The following ASIC2 variants were observed in gnomAD, a reference collection of about 807,000 sequenced individuals.
ASIC2 encodes the protein acid sensing ion channel subunit 2.
A neutral mutation model predicts 57.3 loss-of-function variants in ASIC2; 25 were observed. The observed-to-expected ratio is 0.44, with a 90% CI of 0.32 to 0.61. The LOEUF (loss-of-function observed/expected upper bound fraction) is 0.61, where lower values mean the gene tolerates loss of function less well. ASIC2 is among the 20% of genes least tolerant of loss of function. The pLI is 0.06. For missense variants in ASIC2, 641 were observed against 738.1 expected (o/e 0.87, Z 1.52); for synonymous variants, 319 against 307.5 (o/e 1.04, Z -0.39).
chr17:33,717,457 G>A (rs1030785476), intron 1 of ASIC2, among the ~76,000 whole-genome samples: 53 of 152,216 alleles, frequency 3.5e-4, no homozygotes, highest in African/African-American at 1.3e-3. Flanking sequence ...TGCCTGTCTG[G>A]GCCTCCTCAC....
intron 1 of ASIC2, among the ~76,000 whole-genome samples, chr17:34,085,586 T>C (rs899754982): frequency 3.9e-5 from 6 of 152,220 alleles, no homozygotes; most frequent in African/African-American, 1.4e-4. Flanking sequence ...TCTTTTTCTA[T>C]TGATTGGAAT....
chr17:33,090,537 A>C (rs770666499), intron 2 of ASIC2, among the ~76,000 whole-genome samples: 3 of 152,208 alleles, frequency 2.0e-5, no homozygotes, highest in Non-Finnish European at 4.4e-5. Flanking sequence ...CTCAAAGAAA[A>C]AAATGGAGAG....
At chr17:33,556,296 T>A (rs1457688821) in intron 1 of ASIC2, among the ~76,000 whole-genome samples, 1 of 152,154 alleles carries the variant, frequency 6.6e-6, no homozygotes, top group Non-Finnish European at 1.5e-5. Flanking sequence ...TAACTGGAGT[T>A]CCTAGAGGGG....
chr17:33,935,833 T>C (rs1916046571), intron 1 of ASIC2: 1 of 152,246 alleles, frequency 6.6e-6, no homozygotes, highest in African/African-American at 2.4e-5. Context: ...CCACAGGTGC[T>C]AGAGAGCCAG....
At chr17:33,844,530 T>C (rs867157278) in intron 1 of ASIC2, among the ~76,000 whole-genome samples, 9 of 152,308 alleles carry the variant, frequency 5.9e-5, no homozygotes, top group Admixed American at 3.3e-4. Flanking sequence ...TGCCCCAACA[T>C]TGCTGTTGTG....
chr17:33,876,605 A>C (rs1914552000), intron 1 of ASIC2, among the ~76,000 whole-genome samples: 1 of 152,218 alleles, frequency 6.6e-6, no homozygotes. Context: ...ATAAATAAGG[A>C]AAATAAATCA....
chr17:34,043,908 C>T (rs1908230213), intron 1 of ASIC2, among the ~76,000 whole-genome samples: 1 of 152,118 alleles, frequency 6.6e-6, no homozygotes, highest in South Asian at 2.1e-4. Context: ...CTCCCTGGCC[C>T]AGTCATGAAA....
chr17:33,560,280 A>G (rs1916033081), intron 1 of ASIC2, among the ~76,000 whole-genome samples: 1 of 152,204 alleles, frequency 6.6e-6, no homozygotes, highest in Admixed American at 6.5e-5. Context: ...CAAGCATACC[A>G]CTTGTGTGAT....
At chr17:34,048,187 T>C (rs1038604124) in intron 1 of ASIC2, among the ~76,000 whole-genome samples, 7 of 152,224 alleles carry the variant, frequency 4.6e-5, no homozygotes, top group African/African-American at 1.7e-4. Context: ...GTTCTCTCAC[T>C]TCTAGGATAC....
intron 1 of ASIC2, among the ~76,000 whole-genome samples, chr17:34,032,458 T>C (rs1490006048): frequency 2.6e-5 from 4 of 152,258 alleles, no homozygotes; most frequent in East Asian, 1.9e-4. Context: ...CATCAACTAA[T>C]GAGCAAAATA....
chr17:33,728,763 T>G (rs992044634), intron 1 of ASIC2, among the ~76,000 whole-genome samples: 15 of 151,896 alleles, frequency 9.9e-5, no homozygotes, highest in Admixed American at 7.9e-4. Context: ...GTAGATTGAG[T>G]TGGGAAGGCA....
intron 1 of ASIC2, among the ~76,000 whole-genome samples, chr17:33,509,113 A>C (rs2141947565): frequency 6.6e-6 from 1 of 152,324 alleles, no homozygotes; most frequent in African/African-American, 2.4e-5. Context: ...TTAGCACAGC[A>C]TCTGGCACAG....
At chr17:33,499,163 C>T (rs1297744190) in intron 1 of ASIC2, among the ~76,000 whole-genome samples, 1 of 152,222 alleles carries the variant, frequency 6.6e-6, no homozygotes, top group African/African-American at 2.4e-5. Context: ...GGGGTGTCTA[C>T]ATCTCCTCTA....
intron 1 of ASIC2, among the ~76,000 whole-genome samples, chr17:33,589,552 C>T (rs144195898): frequency 2.7e-4 from 41 of 152,220 alleles, no homozygotes; most frequent in African/African-American, 9.4e-4. Flanking sequence ...CTGGAAACCT[C>T]GATTCTACTT....
At chr17:33,303,946 A>G (rs1906066265) in intron 1 of ASIC2, among the ~76,000 whole-genome samples, 1 of 152,216 alleles carries the variant, frequency 6.6e-6, no homozygotes, top group Admixed American at 6.5e-5. Flanking sequence ...AACAGTTCAT[A>G]CCCTTTGACC....
At chr17:33,969,212 G>C (rs1905155187) in intron 1 of ASIC2, among the ~76,000 whole-genome samples, 1 of 152,154 alleles carries the variant, frequency 6.6e-6, no homozygotes, top group Non-Finnish European at 1.5e-5. Context: ...CTCGCTTCTT[G>C]GGGGACTTTG....
At chr17:34,114,274 C>T (rs1298990990) in intron 1 of ASIC2, among the ~76,000 whole-genome samples, 8 of 152,194 alleles carry the variant, frequency 5.3e-5, no homozygotes, top group Non-Finnish European at 8.8e-5. Context: ...CACTTTAAGC[C>T]ATCCCTTAGC....
intron 1 of ASIC2, among the ~76,000 whole-genome samples, chr17:34,060,588 T>TA (rs1038357663): frequency 4.0e-5 from 6 of 151,178 alleles, no homozygotes; most frequent in South Asian, 2.1e-4. Flanking sequence ...TCCAAGGAAA[T>TA]AAAAAAAATG....
At chr17:34,111,906 G>T (rs1296202216) in intron 1 of ASIC2, among the ~76,000 whole-genome samples, 1 of 151,738 alleles carries the variant, frequency 6.6e-6, no homozygotes, top group Non-Finnish European at 1.5e-5. Flanking sequence ...AGTGATTTTG[G>T]GAAAAGCATA....
Sources: allele counts gnomAD v4.1 joint callset (sites outside exome capture counted in the v4.1 genomes callset), GRCh38; gene constraint gnomAD v4.1.1; transcripts MANE v1.5; gene names NCBI Gene and HGNC (gene_info 2026-07-23, HGNC 2026-07-21).